The following BAG4 variants were observed in gnomAD, a reference collection of about 807,000 sequenced individuals.
BAG4 encodes BAG cochaperone 4.
In BAG4, 28 loss-of-function variants were observed where a neutral mutation model predicts 52.1. That is an observed-to-expected ratio of 0.54 (90% confidence interval 0.40 to 0.74). The LOEUF (loss-of-function observed/expected upper bound fraction) is 0.74, where lower values mean the gene tolerates loss of function less well. Ranked by LOEUF, BAG4 falls within the 30% of genes least tolerant of loss-of-function variation. BAG4 has a pLI of 0.00. For synonymous variants in BAG4, 208 were observed against 217.0 expected, an observed-to-expected ratio of 0.96 and a Z score of 0.37; for missense variants, 525 against 572.0, an observed-to-expected ratio of 0.92 and a Z score of 0.84.
chr8:38,181,088 C>T (rs1803258397), intron 1 of BAG4, among the ~76,000 whole-genome samples: 1 of 151,884 alleles, frequency 6.6e-6, no homozygotes, highest in South Asian at 2.1e-4. Context: ...TTACAGGCAC[C>T]CGCCACCACG....
chr8:38,190,204 GT>G (rs1803450871), intron 1 of BAG4, among the ~76,000 whole-genome samples: 1 of 151,936 alleles, frequency 6.6e-6, no homozygotes, highest in African/African-American at 2.4e-5. Flanking sequence ...GACAATATCG[GT>G]TCCCAATAAC....
At chr8:38,206,760 A>G (rs1199832797) in intron 2 of BAG4, among the ~76,000 whole-genome samples, 1 of 151,974 alleles carries the variant, frequency 6.6e-6, no homozygotes, top group Non-Finnish European at 1.5e-5. Flanking sequence ...CTGTCTCTAT[A>G]GTCTTTTTAA....
intron 1 of BAG4, among the ~76,000 whole-genome samples, chr8:38,188,370 T>C (rs1803403691): frequency 6.6e-6 from 1 of 150,876 alleles, no homozygotes; most frequent in African/African-American, 2.4e-5. Context: ...GGTTTAAAGA[T>C]ACAAATAGTT....
intron 2 of BAG4, among the ~76,000 whole-genome samples, chr8:38,198,950 T>C (rs1024340933): frequency 4.6e-5 from 7 of 152,168 alleles, no homozygotes; most frequent in Admixed American, 2.6e-4. Flanking sequence ...AATGCCTGGT[T>C]CTGGAATACC....
At chr8:38,209,903 T>A in intron 4 of BAG4, 105 bp from the exon 5 acceptor site, 1 of 1,447,356 alleles carries the variant, frequency 6.9e-7, no homozygotes, top group Non-Finnish European at 9.4e-7. Flanking sequence ...AGGGAATCTT[T>A]TCATGTACCT....
rs999580329 is a variant in BAG4, at chr8:38,191,533, T to C, written c.271-1155T>C. Among the ~76,000 whole-genome samples the C allele has an allele frequency of 9.9e-5, 15 of 152,008 alleles. 1 individual carries two copies. Among genetic ancestry groups the C allele is most frequent in the African/African-American group, 3.6e-4 (15 of 41,360 alleles). Reference sequence around the variant, plus strand: ...CAGCACTTTGGGAAGCCAAGCCGGGTGGATCTCCTGAGGTCAGGAGTTCAA... The same window carrying C: ...CAGCACTTTGGGAAGCCAAGCCGGGCGGATCTCCTGAGGTCAGGAGTTCAA... On this transcript the variant is annotated intron_variant, in intron 1 of 4. Transcript: ENST00000287322.
At chr8:38,196,866 A>G (rs1803570264) in intron 2 of BAG4, among the ~76,000 whole-genome samples, 1 of 151,846 alleles carries the variant, frequency 6.6e-6, no homozygotes, top group African/African-American at 2.4e-5. Flanking sequence ...CACTTGAGGT[A>G]TGGAGTTTGA....
At chr8:38,183,911 C>T (rs1026388446) in intron 1 of BAG4, among the ~76,000 whole-genome samples, 6 of 152,212 alleles carry the variant, frequency 3.9e-5, no homozygotes, top group African/African-American at 9.6e-5. Flanking sequence ...GACACATAAT[C>T]AGCCATTCCT....
chr8:38,210,750 A>T lies in BAG4; in HGVS notation c.*257A>T, dbSNP rs1344431853. 6.2e-6 allele frequency: 2 copies of T among 322,638 alleles called. No homozygotes were observed. Among genetic ancestry groups the T allele is most frequent in the Non-Finnish European group, 1.1e-5 (2 of 182,486 alleles). The allele number at this position is 322,638 out of a possible 1,614,324, so 20.0% of individuals were successfully genotyped here. ...TGCCAAGTAGACTCACTCCTTAAAAAATTTATGGATATCTACAAGCTGCTT... is the reference window on the plus strand; with the variant it reads ...TGCCAAGTAGACTCACTCCTTAAAATATTTATGGATATCTACAAGCTGCTT... On this transcript the variant is annotated 3_prime_UTR_variant, in exon 5 of 5. Transcript: ENST00000287322.
chr8:38,197,145 C>T (rs546612236), intron 2 of BAG4, among the ~76,000 whole-genome samples: 1 of 152,230 alleles, frequency 6.6e-6, no homozygotes, highest in South Asian at 2.1e-4. Context: ...GAGTTTTAAG[C>T]ATTCTTTATA....
At chr8:38,198,200 T>C (rs1257272576) in intron 2 of BAG4, among the ~76,000 whole-genome samples, 1 of 150,896 alleles carries the variant, frequency 6.6e-6, no homozygotes, top group Non-Finnish European at 1.5e-5. Flanking sequence ...CTGGCTAATA[T>C]GGTGAAACCC....
chr8:38,188,506 T>C (rs960407707), intron 1 of BAG4, among the ~76,000 whole-genome samples: 1 of 151,900 alleles, frequency 6.6e-6, no homozygotes, highest in South Asian at 2.1e-4. Context: ...AAATATCACA[T>C]GTATCCCAAA....
Position 38,201,880 on chromosome 8 carries a change from A to ATTTTTTT in BAG4, c.379-5609_379-5603dup, listed in dbSNP as rs869085692. On this transcript the variant is annotated intron_variant, in intron 2 of 4. Coordinates refer to ENST00000287322, the MANE Select transcript of BAG4 (RefSeq NM_004874.4). ...TATATATATATATATATATATATAT[A>ATTTTTTT]TTTTTTTTTTTTTTTTTTTTTTTTT... 4 of 7,556 alleles carry ATTTTTTT rather than the reference A, an allele frequency of 5.3e-4. 1 individual carries two copies. Among genetic ancestry groups the ATTTTTTT allele is most frequent in the Non-Finnish European group, 6.6e-4 (3 of 4,544 alleles). 0.5% of individuals were successfully genotyped at this position (7,556 alleles called of 1,614,324 possible).
chr8:38,184,943 G>A (rs1803340230), intron 1 of BAG4, among the ~76,000 whole-genome samples: 1 of 152,090 alleles, frequency 6.6e-6, no homozygotes, highest in African/African-American at 2.4e-5. Context: ...ACAAAAATTA[G>A]CTGGGCGTTG....
chr8:38,196,213 G>T (rs1033194512), intron 2 of BAG4, among the ~76,000 whole-genome samples: 1 of 152,116 alleles, frequency 6.6e-6, no homozygotes, highest in African/African-American at 2.4e-5. Flanking sequence ...AAATGGAATT[G>T]CTTGGTCATA....
At chr8:38,179,770 A>G (rs1163655138) in intron 1 of BAG4, among the ~76,000 whole-genome samples, 1 of 152,092 alleles carries the variant, frequency 6.6e-6, no homozygotes, top group Non-Finnish European at 1.5e-5. Flanking sequence ...CCATCTCAAA[A>G]AAAAAAATAA....
At chr8:38,209,515 T>C in intron 4 of BAG4, 1 of 530,800 alleles carries the variant, frequency 1.9e-6, no homozygotes, top group East Asian at 3.3e-5. Flanking sequence ...CTGTTTGTTG[T>C]AATTCTTCTA....
chr8:38,208,412 C>T (rs976646866), intron 3 of BAG4, among the ~76,000 whole-genome samples: 3 of 150,334 alleles, frequency 2.0e-5, no homozygotes, highest in African/African-American at 7.3e-5. Context: ...TGGGTTCATG[C>T]CATTCTCCGG....
At chr8:38,178,150 G>A (rs1803198800) in intron 1 of BAG4, among the ~76,000 whole-genome samples, 1 of 149,224 alleles carries the variant, frequency 6.7e-6, no homozygotes, top group Non-Finnish European at 1.5e-5. Flanking sequence ...TAGAAATGTC[G>A]TTTTTTTTGT....
Sources: allele counts gnomAD v4.1 joint callset (sites outside exome capture counted in the v4.1 genomes callset), GRCh38; gene constraint gnomAD v4.1.1; transcripts MANE v1.5; gene names NCBI Gene and HGNC (gene_info 2026-07-23, HGNC 2026-07-21).